Variants in BCAS3 observed in about 807,000 individuals in gnomAD.
BCAS3 encodes BCAS3 microtubule associated cell migration factor, also known as BCAS4/BCAS3 fusion.
Under a neutral mutation model 116.1 loss-of-function variants are expected in BCAS3, and 53 were observed. That is an observed-to-expected ratio of 0.46 (90% confidence interval 0.37 to 0.57). The LOEUF is 0.57. Ranked by LOEUF, BCAS3 falls within the 20% of genes least tolerant of loss-of-function variation. The pLI is 0.00. For missense variants in BCAS3, 917 were observed against 1,165.4 expected (o/e 0.79, Z 3.10); for synonymous variants, 391 against 408.2 (o/e 0.96, Z 0.51).
intron 7 of BCAS3, chr17:60,810,622 C>T: frequency 1.4e-6 from 1 of 698,942 alleles, no homozygotes; most frequent in Non-Finnish European, 2.7e-6. Flanking sequence ...CATCGTTCTG[C>T]AAATCAACAG....
chr17:61,064,486 T>C (rs1281317721), intron 19 of BCAS3, among the ~76,000 whole-genome samples: 1 of 152,206 alleles, frequency 6.6e-6, no homozygotes, highest in Admixed American at 6.5e-5. Context: ...AGGGGTAATT[T>C]GTCCAGATGC....
intron 19 of BCAS3, among the ~76,000 whole-genome samples, chr17:61,055,637 T>A (rs2069299769): frequency 6.6e-6 from 1 of 152,194 alleles, no homozygotes; most frequent in Admixed American, 6.5e-5. Context: ...CGTCTGGTAG[T>A]CTGGAGAACT....
At chr17:61,305,429 G>C (rs891885702) in intron 22 of BCAS3, among the ~76,000 whole-genome samples, 1 of 152,144 alleles carries the variant, frequency 6.6e-6, no homozygotes, top group Non-Finnish European at 1.5e-5. Flanking sequence ...TGGTCAGCCT[G>C]GGTTCAAATC....
chr17:61,169,704 C>T (rs1457630189), intron 22 of BCAS3, among the ~76,000 whole-genome samples: 1 of 152,196 alleles, frequency 6.6e-6, no homozygotes, highest in African/African-American at 2.4e-5. Flanking sequence ...ATTTGATTTT[C>T]AGACAGTGGT....
At chr17:60,981,584 CA>C (rs1180603754) in intron 14 of BCAS3, among the ~76,000 whole-genome samples, 1 of 152,088 alleles carries the variant, frequency 6.6e-6, no homozygotes, top group Non-Finnish European at 1.5e-5. Flanking sequence ...TGCCCAGCCA[CA>C]AGAGTGATAG....
chr17:61,027,179 T>C (rs2066311605), intron 16 of BCAS3, among the ~76,000 whole-genome samples: 1 of 151,522 alleles, frequency 6.6e-6, no homozygotes, highest in South Asian at 2.1e-4. Context: ...CTCATAATGC[T>C]CGTAAATATT....
chr17:60,778,862 A>G (rs966786869), intron 6 of BCAS3, among the ~76,000 whole-genome samples: 1 of 152,208 alleles, frequency 6.6e-6, no homozygotes, highest in Non-Finnish European at 1.5e-5. Context: ...ATATGCTATA[A>G]GTAGCATATG....
intron 22 of BCAS3, among the ~76,000 whole-genome samples, chr17:61,129,554 A>T (rs1426299219): frequency 1.3e-5 from 2 of 152,226 alleles, no homozygotes; most frequent in African/African-American, 4.8e-5. Context: ...TTTGTCAGGA[A>T]TGAGAATACG....
chr17:60,725,983 C>T (rs2039794906), intron 5 of BCAS3, among the ~76,000 whole-genome samples: 1 of 152,142 alleles, frequency 6.6e-6, no homozygotes, highest in Admixed American at 6.5e-5. Context: ...GCAGCCTCCA[C>T]CTCCTGAGTT....
At chr17:60,790,592 G>A (rs1290646708) in intron 6 of BCAS3, among the ~76,000 whole-genome samples, 1 of 152,098 alleles carries the variant, frequency 6.6e-6, no homozygotes, top group East Asian at 1.9e-4. Flanking sequence ...ACCATGTACA[G>A]TAAATTATGT....
At chr17:60,903,580 T>C (rs1235955297) in intron 11 of BCAS3, among the ~76,000 whole-genome samples, 3 of 152,204 alleles carry the variant, frequency 2.0e-5, no homozygotes, top group Non-Finnish European at 4.4e-5. Context: ...TCCAAGTAGC[T>C]GGGACTACGG....
chr17:61,118,754 CA>C lies in BCAS3; in HGVS notation c.2425+34194del, dbSNP rs527247946. Among the ~76,000 whole-genome samples the C allele has an allele frequency of 6.2e-4, 95 of 152,232 alleles. No homozygotes were observed. The highest frequency in any genetic ancestry group is 2.2e-3 in the African/African-American group (90 of 41,530). ...AAGAGAGAGCAGCCTTTTGTTGTGACAAAAGCATAGACAGACCTTGAGGTGT... is the reference window on the plus strand; with the variant it reads ...AAGAGAGAGCAGCCTTTTGTTGTGACAAAGCATAGACAGACCTTGAGGTGT... On this transcript the variant is annotated intron_variant, in intron 22 of 23. Transcript: ENST00000407086. The surrounding 1 kb of genome is among the most constrained non-coding windows in gnomAD (Gnocchi z 5.0).
chr17:61,292,727 G>T (rs2052550138), intron 22 of BCAS3, among the ~76,000 whole-genome samples: 1 of 152,158 alleles, frequency 6.6e-6, no homozygotes, highest in Admixed American at 6.6e-5. Context: ...CAGGTTGGGA[G>T]AATACAGAGG....
chr17:61,322,743 GTATAGTC>G (rs938019311), intron 22 of BCAS3, among the ~76,000 whole-genome samples: 27 of 149,666 alleles, frequency 1.8e-4, no homozygotes, highest in Non-Finnish European at 3.0e-5. Context: ...TAAGCCAAAA[GTATAGTC>G]TCATTGGTGT....
At position 61,032,997 on chromosome 17, in the gene BCAS3, T is replaced by C. The variant is rs1183690928; in HGVS notation, c.1638-1669T>C. Among the ~76,000 whole-genome samples the C allele has an allele frequency of 6.6e-6, 1 of 152,174 alleles. No individual in the cohort carries two copies. The highest frequency in any genetic ancestry group is 1.5e-5 in the Non-Finnish European group (1 of 68,020). ...AGACTTAGCCATCCTTAGAGGAAGATGTTTAAACAAGCCTCAGGAAATAAG... is the reference window on the plus strand; with the variant it reads ...AGACTTAGCCATCCTTAGAGGAAGACGTTTAAACAAGCCTCAGGAAATAAG... On this transcript the variant is annotated intron_variant, in intron 16 of 23. Transcript: ENST00000407086. This position sits in a 1 kb window ranked among gnomAD's most constrained non-coding sequence, Gnocchi z 4.6.
At chr17:61,111,510 A>G (rs1441767728) in intron 22 of BCAS3, among the ~76,000 whole-genome samples, 3 of 152,042 alleles carry the variant, frequency 2.0e-5, no homozygotes, top group Non-Finnish European at 4.4e-5. Flanking sequence ...AATGAATGAA[A>G]TGAAGCGAGA....
intron 22 of BCAS3, among the ~76,000 whole-genome samples, chr17:61,176,846 C>T (rs1262096415): frequency 3.9e-5 from 6 of 152,164 alleles, no homozygotes; most frequent in Admixed American, 3.9e-4. Context: ...TAGGCATGAG[C>T]CACCGCACTC....
At chr17:60,770,864 T>C (rs1286099637) in intron 6 of BCAS3, among the ~76,000 whole-genome samples, 1 of 131,646 alleles carries the variant, frequency 7.6e-6, no homozygotes, top group Non-Finnish European at 1.6e-5. Flanking sequence ...TTTTTTTTTT[T>C]TGAGACAGGG....
chr17:60,817,732 A>G (rs2144667775), intron 7 of BCAS3, among the ~76,000 whole-genome samples: 1 of 152,278 alleles, frequency 6.6e-6, no homozygotes, highest in Non-Finnish European at 1.5e-5. Context: ...TTCTATGGCC[A>G]TTGTTTCCAA....
Sources: gnomAD v4.1 joint callset for allele counts (sites outside exome capture counted in the v4.1 genomes callset) on GRCh38, gnomAD v4.1.1 for gene constraint, Gnocchi (gnomAD v3.1) non-coding constraint, MANE v1.5 for transcripts, NCBI Gene and HGNC (gene_info 2026-07-23, HGNC 2026-07-21) for gene names.